The following MRPL48 variants were observed in gnomAD, a reference collection of about 807,000 sequenced individuals.
MRPL48 encodes the protein mitochondrial ribosomal protein L48.
In MRPL48, 16 loss-of-function variants were observed where a neutral mutation model predicts 32.9. The observed-to-expected ratio is 0.49, with a 90% CI of 0.33 to 0.74. The LOEUF is 0.74. Among genes scored for constraint, MRPL48 ranks in the 30% least tolerant of loss-of-function variants. The pLI, the probability that MRPL48 is intolerant of heterozygous loss-of-function variation, is 0.02. For missense variants in MRPL48, 206 were observed against 245.3 expected, an observed-to-expected ratio of 0.84 and a Z score of 1.07; for synonymous variants, 94 against 89.2, an observed-to-expected ratio of 1.05 and a Z score of -0.31.
At chr11:73,789,608 CT>C (rs1947109903) in intron 1 of MRPL48, 1 of 152,192 alleles carries the variant, frequency 6.6e-6, no homozygotes, top group Non-Finnish European at 1.5e-5. Flanking sequence ...TTTACTGCTT[CT>C]GTTTCCTATC....
chr11:73,856,120 A>G (rs1407960867), intron 5 of MRPL48, among the ~76,000 whole-genome samples: 5 of 152,238 alleles, frequency 3.3e-5, no homozygotes, highest in East Asian at 1.9e-4. Flanking sequence ...CATGATTCCT[A>G]GAACAGCAGG....
chr11:73,838,725 G>T (rs1948143095), intron 4 of MRPL48, among the ~76,000 whole-genome samples: 1 of 152,170 alleles, frequency 6.6e-6, no homozygotes, highest in African/African-American at 2.4e-5. Context: ...CTAGAGGTTG[G>T]CTTCCCACTC....
At chr11:73,809,707 A>AT (rs1947533208) in intron 3 of MRPL48, among the ~76,000 whole-genome samples, 1 of 152,014 alleles carries the variant, frequency 6.6e-6, no homozygotes, top group Admixed American at 6.6e-5. Context: ...ATTACTTGCC[A>AT]TTTTTGCTTT....
intron 4 of MRPL48, among the ~76,000 whole-genome samples, chr11:73,829,737 A>G (rs954774912): frequency 6.6e-6 from 1 of 152,058 alleles, no homozygotes; most frequent in African/African-American, 2.4e-5. Context: ...AAACTGCTCT[A>G]TGTTTTAATC....
At chr11:73,856,142 G>T (rs1948478504) in intron 5 of MRPL48, among the ~76,000 whole-genome samples, 1 of 152,160 alleles carries the variant, frequency 6.6e-6, no homozygotes, top group South Asian at 2.1e-4. Context: ...TGAATGATAT[G>T]CTGCTTTTTG....
intron 3 of MRPL48, among the ~76,000 whole-genome samples, chr11:73,816,556 C>T (rs1016492287): frequency 7.2e-5 from 11 of 152,004 alleles, no homozygotes; most frequent in East Asian, 3.9e-4. Flanking sequence ...ACCTCCACCT[C>T]CCGGTTCAAG....
At chr11:73,801,851 T>C (rs1947368363) in intron 1 of MRPL48, among the ~76,000 whole-genome samples, 1 of 152,238 alleles carries the variant, frequency 6.6e-6, no homozygotes, top group Admixed American at 6.5e-5. Flanking sequence ...ATGTCGGTGC[T>C]TAATATATGG....
intron 4 of MRPL48, among the ~76,000 whole-genome samples, chr11:73,837,669 G>A (rs1189931955): frequency 6.6e-6 from 1 of 152,090 alleles, no homozygotes; most frequent in Non-Finnish European, 1.5e-5. Flanking sequence ...ACAATCCTGG[G>A]CCATCCCTTA....
At chr11:73,828,779 A>G (rs1291973015) in intron 4 of MRPL48, among the ~76,000 whole-genome samples, 2 of 150,658 alleles carry the variant, frequency 1.3e-5, no homozygotes, top group East Asian at 3.9e-4. Context: ...TTAAATACTA[A>G]GCATCCTTTT....
intron 4 of MRPL48, among the ~76,000 whole-genome samples, chr11:73,839,142 G>T (rs1239597386): frequency 6.6e-6 from 1 of 152,080 alleles, no homozygotes; most frequent in Non-Finnish European, 1.5e-5. Context: ...GTGAGATCAG[G>T]TCTATCATCA....
At chr11:73,841,711 T>C (rs1369395998) in intron 4 of MRPL48, among the ~76,000 whole-genome samples, 4 of 152,206 alleles carry the variant, frequency 2.6e-5, no homozygotes, top group African/African-American at 7.2e-5. Flanking sequence ...TTTCACTTTG[T>C]GAAAATTCAT....
intron 3 of MRPL48, chr11:73,822,965 T>C: frequency 2.2e-6 from 1 of 453,320 alleles, no homozygotes; most frequent in South Asian, 1.6e-5. Flanking sequence ...CTACTCATTC[T>C]GAGAATCTAA....
intron 4 of MRPL48, among the ~76,000 whole-genome samples, chr11:73,837,331 G>A (rs141383821): frequency 1.0e-3 from 156 of 152,268 alleles, no homozygotes; most frequent in Middle Eastern, 3.4e-3. Flanking sequence ...CCCTTGTCTT[G>A]CTGTTAAACC....
intron 4 of MRPL48, among the ~76,000 whole-genome samples, chr11:73,844,158 T>C (rs1948243208): frequency 6.6e-6 from 1 of 151,586 alleles, no homozygotes; most frequent in African/African-American, 2.4e-5. Context: ...AGGCTAGGTG[T>C]GGTGCTCACA....
chr11:73,788,717 C>T (rs2134913913), intron 1 of MRPL48, among the ~76,000 whole-genome samples: 1 of 152,162 alleles, frequency 6.6e-6, no homozygotes, highest in African/African-American at 2.4e-5. Flanking sequence ...CGTGATCTGC[C>T]CGCCTCGGCC....
At chr11:73,836,967 T>C (rs1436100755) in intron 4 of MRPL48, among the ~76,000 whole-genome samples, 3 of 152,148 alleles carry the variant, frequency 2.0e-5, no homozygotes, top group Non-Finnish European at 1.5e-5. Flanking sequence ...AGCCAGGCCT[T>C]TTGTCCATAT....
chr11:73,808,904 C>T (rs1358941560), intron 3 of MRPL48, among the ~76,000 whole-genome samples: 5 of 148,158 alleles, frequency 3.4e-5, no homozygotes, highest in Non-Finnish European at 7.4e-5. Context: ...GCCTGGGGGA[C>T]AAGAGCGAGA....
At chr11:73,795,802 G>A (rs7929705) in intron 1 of MRPL48, among the ~76,000 whole-genome samples, 13,809 of 151,888 alleles carry the variant, frequency 0.091, 741 homozygotes, top group South Asian at 0.27. Context: ...CACTGCACCC[G>A]GCTTATTCAC....
At chr11:73,807,149 C>T (rs924609183) in intron 2 of MRPL48, among the ~76,000 whole-genome samples, 12 of 152,112 alleles carry the variant, frequency 7.9e-5, no homozygotes, top group African/African-American at 2.4e-4. Context: ...GTATTACAGG[C>T]ATGAGCCACC....
Sources: gnomAD v4.1 joint callset for allele counts (sites outside exome capture counted in the v4.1 genomes callset) on GRCh38, gnomAD v4.1.1 for gene constraint, MANE v1.5 for transcripts, NCBI Gene and HGNC (gene_info 2026-07-23, HGNC 2026-07-21) for gene names.